FNDC3B: variants seen among roughly 807,000 people sequenced by gnomAD.
The protein encoded by FNDC3B is fibronectin type III domain containing 3B.
Under a neutral mutation model 151.5 loss-of-function variants are expected in FNDC3B, and 12 were observed. The ratio of observed to expected loss-of-function variants is 0.08; its 90% CI spans 0.05 to 0.13. FNDC3B has a LOEUF of 0.13. Among genes scored for constraint, FNDC3B ranks in the 10% least tolerant of loss-of-function variants. The pLI is 1.00. For synonymous variants in FNDC3B, 528 were observed against 549.0 expected (o/e 0.96, Z 0.54); for missense variants, 1,214 against 1,505.3 (o/e 0.81, Z 3.20).
intron 11 of FNDC3B, among the ~76,000 whole-genome samples, chr3:172,317,878 A>G (rs1731888894): frequency 1.3e-5 from 2 of 152,230 alleles, no homozygotes; most frequent in Admixed American, 6.5e-5. Flanking sequence ...TTAACTTGCT[A>G]TTAGCCTAAC....
At chr3:172,184,596 G>GT (rs1724079402) in intron 3 of FNDC3B, among the ~76,000 whole-genome samples, 1 of 152,156 alleles carries the variant, frequency 6.6e-6, no homozygotes, top group South Asian at 2.1e-4. Flanking sequence ...GACAAATGGT[G>GT]TATCAGTGTG....
chr3:172,139,517 G>A (rs534852531), intron 3 of FNDC3B, among the ~76,000 whole-genome samples: 8 of 152,256 alleles, frequency 5.3e-5, no homozygotes, highest in African/African-American at 1.9e-4. Flanking sequence ...CTCTGTCTTG[G>A]CTGAAATTTG....
chr3:172,331,431 C>T (rs887003636), intron 13 of FNDC3B, among the ~76,000 whole-genome samples: 1 of 152,156 alleles, frequency 6.6e-6, no homozygotes, highest in Non-Finnish European at 1.5e-5. Flanking sequence ...GATGTTGGCT[C>T]ACCTCAAGCT....
chr3:172,385,170 A>T (rs1423242382), intron 25 of FNDC3B, among the ~76,000 whole-genome samples: 1 of 152,194 alleles, frequency 6.6e-6, no homozygotes, highest in Non-Finnish European at 1.5e-5. Context: ...GGAATGAAAC[A>T]TATTTATGTG....
chr3:172,323,837 CAA>C (rs1209787277), intron 11 of FNDC3B, among the ~76,000 whole-genome samples: 1 of 152,006 alleles, frequency 6.6e-6, no homozygotes, highest in African/African-American at 2.4e-5. Flanking sequence ...GACTTGAAAC[CAA>C]AAATGCATGA....
At chr3:172,139,972 C>A (rs546808443) in intron 3 of FNDC3B, among the ~76,000 whole-genome samples, 87 of 152,254 alleles carry the variant, frequency 5.7e-4, no homozygotes, top group Non-Finnish European at 1.1e-3. Context: ...AAACCCATTT[C>A]TTTAGTATTT....
chr3:172,210,885 C>T (rs1296118119), intron 3 of FNDC3B, among the ~76,000 whole-genome samples: 1 of 151,996 alleles, frequency 6.6e-6, no homozygotes, highest in African/African-American at 2.4e-5. Context: ...GGATGTGTTA[C>T]CCATACATAG....
chr3:172,325,544 GT>G (rs1560078831), intron 11 of FNDC3B, among the ~76,000 whole-genome samples: 1 of 152,158 alleles, frequency 6.6e-6, no homozygotes, highest in Non-Finnish European at 1.5e-5. Flanking sequence ...ACAGGAAAAT[GT>G]TTTGTTTATA....
intron 7 of FNDC3B, among the ~76,000 whole-genome samples, chr3:172,286,602 C>T (rs1427572326): frequency 2.0e-5 from 3 of 152,126 alleles, no homozygotes; most frequent in Non-Finnish European, 2.9e-5. Flanking sequence ...GTTTCAAATA[C>T]TGAGGCTTTT....
intron 4 of FNDC3B, among the ~76,000 whole-genome samples, chr3:172,229,971 G>A (rs1726802125): frequency 6.6e-6 from 1 of 152,050 alleles, no homozygotes; most frequent in African/African-American, 2.4e-5. Context: ...CAAAAAGAGT[G>A]AAGTTGAACC....
At chr3:172,167,964 G>A (rs984736341) in intron 3 of FNDC3B, among the ~76,000 whole-genome samples, 2 of 152,212 alleles carry the variant, frequency 1.3e-5, no homozygotes, top group Non-Finnish European at 2.9e-5. Flanking sequence ...GACCACTGTT[G>A]TGAGATCATT....
At chr3:172,376,910 A>G (rs953531851) in intron 23 of FNDC3B, among the ~76,000 whole-genome samples, 1 of 152,070 alleles carries the variant, frequency 6.6e-6, no homozygotes, top group South Asian at 2.1e-4. Context: ...TTAGATCTGT[A>G]TCTCTTCATT....
chr3:172,316,749 T>G (rs921886655), intron 11 of FNDC3B, among the ~76,000 whole-genome samples: 4 of 152,234 alleles, frequency 2.6e-5, no homozygotes, highest in African/African-American at 9.6e-5. Context: ...TTCATATTGA[T>G]GATATATATC....
At chr3:172,140,139 A>T (rs984122523) in intron 3 of FNDC3B, among the ~76,000 whole-genome samples, 1 of 152,198 alleles carries the variant, frequency 6.6e-6, no homozygotes. Flanking sequence ...AAAGCTGTAT[A>T]TGGTGAGAGT....
At chr3:172,311,746 C>T (rs920212780) in intron 11 of FNDC3B, among the ~76,000 whole-genome samples, 1 of 150,050 alleles carries the variant, frequency 6.7e-6, no homozygotes, top group East Asian at 1.9e-4. Flanking sequence ...GGCGTAGTGG[C>T]GGGCGCCTGT....
At chr3:172,226,436 A>G (rs1348856192) in intron 3 of FNDC3B, among the ~76,000 whole-genome samples, 1 of 152,186 alleles carries the variant, frequency 6.6e-6, no homozygotes, top group East Asian at 1.9e-4. Context: ...ACTGAAAATC[A>G]TAAATGCAAA....
chr3:172,334,831 G>C lies in FNDC3B; in HGVS notation c.1642-113G>C, dbSNP rs1369493060. On this transcript the variant is annotated intron_variant, in intron 14 of 25. Transcript: ENST00000415807. ...TACTTGAGTTGAAAGAGAAAAAAAT[G>C]TGTGTGTGTCTGAGTTTATGGGTGC... The C allele has an allele frequency of 4.7e-6, 4 of 855,752 alleles. No individual in the cohort carries two copies. In the African/African-American group the frequency reaches 6.9e-5, roughly 15 times the overall value. 53.0% of individuals were successfully genotyped at this position (855,752 alleles called of 1,614,324 possible).
At chr3:172,205,193 T>TTTA (rs137980045) in intron 3 of FNDC3B, among the ~76,000 whole-genome samples, 3,591 of 152,306 alleles carry the variant, frequency 0.024, 148 homozygotes, top group African/African-American at 0.083. Flanking sequence ...GGCTACAGTA[T>TTTA]TTACCATTTG....
Position 172,346,449 on chromosome 3 carries a change from G to A in FNDC3B, c.2364+9G>A. 6 of 1,518,996 alleles carry A rather than the reference G, an allele frequency of 3.9e-6. No individual in the cohort carries two copies. Among genetic ancestry groups the A allele is most frequent in the Non-Finnish European group, 5.5e-6 (6 of 1,099,206 alleles). 94.1% of individuals were successfully genotyped at this position (1,518,996 alleles called of 1,614,324 possible). Reference sequence around the variant, plus strand: ...TCTTAGTGGGTTGGGAGGTAAGTCAGGCATATTCTGCATCAACTTCTGTTT... The same window carrying A: ...TCTTAGTGGGTTGGGAGGTAAGTCAAGCATATTCTGCATCAACTTCTGTTT... On this transcript the variant is annotated intron_variant, in intron 20 of 25. Coordinates refer to ENST00000415807, the MANE Select transcript of FNDC3B (RefSeq NM_022763.4).
Sources: gnomAD v4.1 joint callset for allele counts (sites outside exome capture counted in the v4.1 genomes callset) on GRCh38, gnomAD v4.1.1 for gene constraint, MANE v1.5 for transcripts, NCBI Gene and HGNC (gene_info 2026-07-23, HGNC 2026-07-21) for gene names.